The following MAPK10 variants were observed in gnomAD, a reference collection of about 807,000 sequenced individuals.
MAPK10 encodes JNK3 alpha protein kinase.
In MAPK10, 25 loss-of-function variants were observed where a neutral mutation model predicts 59.3. That is an observed-to-expected ratio of 0.42 (90% CI 0.31 to 0.59). The LOEUF (loss-of-function observed/expected upper bound fraction) is 0.59, where lower values mean the gene tolerates loss of function less well. MAPK10 is among the 20% of genes least tolerant of loss of function. MAPK10 has a pLI of 0.15. For missense variants in MAPK10, 351 were observed against 568.9 expected (o/e 0.62, Z 3.90); for synonymous variants, 190 against 200.5 (o/e 0.95, Z 0.44).
chr4:86,147,732 A>G (rs1442927106), intron 4 of MAPK10, among the ~76,000 whole-genome samples: 1 of 152,242 alleles, frequency 6.6e-6, no homozygotes, highest in African/African-American at 2.4e-5. Flanking sequence ...AATCAGATAT[A>G]AATTGGTATA....
intron 1 of MAPK10, among the ~76,000 whole-genome samples, chr4:86,576,487 A>G (rs1421415834): frequency 1.3e-5 from 2 of 152,170 alleles, no homozygotes; most frequent in African/African-American, 4.8e-5. Context: ...TAAACGGCCT[A>G]TAGTAGGCCG....
At chr4:86,413,958 G>T (rs1403379851) in intron 1 of MAPK10, among the ~76,000 whole-genome samples, 2 of 152,160 alleles carry the variant, frequency 1.3e-5, no homozygotes, top group Non-Finnish European at 2.9e-5. Context: ...GATGAACCAG[G>T]TACCCCAGTT....
intron 1 of MAPK10, among the ~76,000 whole-genome samples, chr4:86,568,490 C>T (rs1025784974): frequency 6.6e-6 from 1 of 151,980 alleles, no homozygotes; most frequent in Non-Finnish European, 1.5e-5. Flanking sequence ...CAAAGCAATC[C>T]CAAGCAAAAA....
chr4:86,046,058 A>T (rs989595073), intron 11 of MAPK10, among the ~76,000 whole-genome samples: 5 of 150,700 alleles, frequency 3.3e-5, no homozygotes, highest in Non-Finnish European at 7.4e-5. Flanking sequence ...CTTACAAGGG[A>T]TGTGAAGGAC....
chr4:86,063,823 A>G (rs1447571197), intron 11 of MAPK10, among the ~76,000 whole-genome samples: 1 of 152,134 alleles, frequency 6.6e-6, no homozygotes, highest in Non-Finnish European at 1.5e-5. Context: ...AATCGTTTTA[A>G]TCATCTTATA....
intron 2 of MAPK10, chr4:86,325,827 T>A (rs866492013): frequency 5.3e-5 from 8 of 152,136 alleles, no homozygotes; most frequent in African/African-American, 1.9e-4. Context: ...AAGAAAATAA[T>A]ATTTAAACTT....
intron 2 of MAPK10, among the ~76,000 whole-genome samples, chr4:86,304,209 T>C (rs983606417): frequency 3.3e-5 from 5 of 152,086 alleles, no homozygotes; most frequent in South Asian, 2.1e-4. Context: ...TGGGGCCAAA[T>C]TGTGAAAGAT....
chr4:86,071,695 T>A (rs1410742775), intron 9 of MAPK10, among the ~76,000 whole-genome samples: 1 of 151,484 alleles, frequency 6.6e-6, no homozygotes, highest in Admixed American at 6.6e-5. Context: ...AAAGATCAGA[T>A]AGTTGTAGGT....
intron 1 of MAPK10, among the ~76,000 whole-genome samples, chr4:86,402,949 T>C (rs531838672): frequency 6.6e-6 from 1 of 152,174 alleles, no homozygotes; most frequent in South Asian, 2.1e-4. Context: ...GCACTCCCTA[T>C]AGTTGGAAAT....
At chr4:86,066,690 G>C (rs1379503856) in intron 10 of MAPK10, among the ~76,000 whole-genome samples, 1 of 147,652 alleles carries the variant, frequency 6.8e-6, no homozygotes, top group African/African-American at 2.5e-5. Flanking sequence ...GAGTGAACCT[G>C]GGAGACGGAG....
chr4:86,459,391 A>C (rs1751523273), intron 1 of MAPK10, among the ~76,000 whole-genome samples: 1 of 152,264 alleles, frequency 6.6e-6, no homozygotes, highest in African/African-American at 2.4e-5. Flanking sequence ...TGATCTAAGC[A>C]ATCCCACTAC....
At chr4:86,115,527 T>A (rs1013336228) in intron 4 of MAPK10, among the ~76,000 whole-genome samples, 7 of 152,128 alleles carry the variant, frequency 4.6e-5, no homozygotes, top group African/African-American at 1.7e-4. Context: ...AATGGCACGA[T>A]CTTGGCTCAC....
chr4:86,398,290 A>G (rs1378509175), intron 1 of MAPK10, among the ~76,000 whole-genome samples: 1 of 152,182 alleles, frequency 6.6e-6, no homozygotes, highest in Non-Finnish European at 1.5e-5. Flanking sequence ...AATTATCACT[A>G]AGTATTTATT....
intron 2 of MAPK10, among the ~76,000 whole-genome samples, chr4:86,201,153 C>T (rs2082532409): frequency 6.6e-6 from 1 of 151,798 alleles, no homozygotes; most frequent in Admixed American, 6.6e-5. Context: ...CAGTTCTGTC[C>T]ATGTTGTTGT....
chr4:86,095,192 T>C (rs1417102471), intron 9 of MAPK10: 2 of 151,668 alleles, frequency 1.3e-5, no homozygotes, highest in Admixed American at 6.6e-5. Context: ...ACCAAGACAA[T>C]TCCCTGTGAT....
chr4:86,040,273 C>A (rs907916402), intron 11 of MAPK10, among the ~76,000 whole-genome samples: 2 of 151,758 alleles, frequency 1.3e-5, no homozygotes, highest in Non-Finnish European at 2.9e-5. Context: ...TTCATAAAAT[C>A]AAGAAAACAA....
chr4:86,158,470 A>G (rs1220769267), intron 4 of MAPK10, among the ~76,000 whole-genome samples: 1 of 147,042 alleles, frequency 6.8e-6, no homozygotes, highest in Non-Finnish European at 1.5e-5. Flanking sequence ...TGTAGCAGTA[A>G]TAAATAAATA....
intron 1 of MAPK10, among the ~76,000 whole-genome samples, chr4:86,402,726 G>A (rs1743876384): frequency 6.6e-6 from 1 of 152,082 alleles, no homozygotes; most frequent in Non-Finnish European, 1.5e-5. Flanking sequence ...AAGTTTGGAT[G>A]GAAACTTCCT....
intron 1 of MAPK10, among the ~76,000 whole-genome samples, chr4:86,525,446 C>CT (rs34871873): frequency 6.6e-6 from 1 of 152,132 alleles, no homozygotes; most frequent in Admixed American, 6.5e-5. Context: ...CCAGCGAAAA[C>CT]TTTTTTTAAC....
Sources: allele counts gnomAD v4.1 joint callset (sites outside exome capture counted in the v4.1 genomes callset), GRCh38; gene constraint gnomAD v4.1.1; transcripts MANE v1.5; gene names NCBI Gene and HGNC (gene_info 2026-07-23, HGNC 2026-07-21).